CTNND2: variants seen among roughly 807,000 people sequenced by gnomAD.
CTNND2 encodes the protein catenin delta 2.
CTNND2 carries 22 observed loss-of-function variants against 144.4 expected under a neutral mutation model. The ratio of observed to expected loss-of-function variants is 0.15; its 90% CI spans 0.11 to 0.22. The LOEUF is 0.22. Among genes scored for constraint, CTNND2 ranks in the 10% least tolerant of loss-of-function variants. CTNND2 has a pLI of 1.00. For synonymous variants in CTNND2, 751 were observed against 695.6 expected, an observed-to-expected ratio of 1.08 and a Z score of -1.25; for missense variants, 1,353 against 1,618.8, an observed-to-expected ratio of 0.84 and a Z score of 2.82.
intron 9 of CTNND2, among the ~76,000 whole-genome samples, chr5:11,278,746 G>A (rs1016498464): frequency 3.3e-5 from 5 of 152,008 alleles, no homozygotes; most frequent in Non-Finnish European, 5.9e-5. Flanking sequence ...AGATGAAGAT[G>A]GGCAGAGAAC....
At chr5:11,097,648 T>C (rs1417967281) in intron 15 of CTNND2, among the ~76,000 whole-genome samples, 1 of 152,138 alleles carries the variant, frequency 6.6e-6, no homozygotes, top group Non-Finnish European at 1.5e-5. Context: ...TGTAGTTACA[T>C]AATGTTGAGG....
intron 1 of CTNND2, among the ~76,000 whole-genome samples, chr5:11,812,980 T>C (rs1792421748): frequency 1.3e-5 from 2 of 152,194 alleles, no homozygotes; most frequent in African/African-American, 4.8e-5. Context: ...CATACTCATA[T>C]ATACACCAAA....
At chr5:11,568,632 A>G (rs1267892686) in intron 2 of CTNND2, among the ~76,000 whole-genome samples, 1 of 152,214 alleles carries the variant, frequency 6.6e-6, no homozygotes, top group Admixed American at 6.5e-5. Flanking sequence ...TTTGTGGCCC[A>G]AAGGCATCTA....
intron 1 of CTNND2, among the ~76,000 whole-genome samples, chr5:11,880,125 T>C (rs570400001): frequency 5.9e-5 from 9 of 152,304 alleles, no homozygotes; most frequent in African/African-American, 2.2e-4. Context: ...TAAAGCAACC[T>C]AACTTAATTC....
intron 15 of CTNND2, among the ~76,000 whole-genome samples, chr5:11,088,156 C>T (rs1031915208): frequency 1.9e-4 from 29 of 152,134 alleles, no homozygotes; most frequent in Admixed American, 1.3e-4. Context: ...TCTAGAAATG[C>T]CTTCTGGGGA....
chr5:11,827,043 G>T (rs147251955), intron 1 of CTNND2, among the ~76,000 whole-genome samples: 1 of 151,814 alleles, frequency 6.6e-6, no homozygotes, highest in African/African-American at 2.4e-5. Flanking sequence ...AAGGACACTT[G>T]GACATTGATA....
intron 2 of CTNND2, among the ~76,000 whole-genome samples, chr5:11,712,473 A>G (rs1367818695): frequency 1.3e-5 from 2 of 152,184 alleles, no homozygotes; most frequent in Admixed American, 6.5e-5. Flanking sequence ...TGAGACATCA[A>G]GAAAATGCTG....
At chr5:11,028,331 T>A (rs2149547454) in intron 16 of CTNND2, among the ~76,000 whole-genome samples, 1 of 152,302 alleles carries the variant, frequency 6.6e-6, no homozygotes, top group South Asian at 2.1e-4. Context: ...TCTGTGGGTT[T>A]TTGCTGAGGT....
chr5:11,894,195 G>T (rs1488373092), intron 1 of CTNND2, among the ~76,000 whole-genome samples: 1 of 151,692 alleles, frequency 6.6e-6, no homozygotes, highest in Non-Finnish European at 1.5e-5. Flanking sequence ...AGACGCGGCA[G>T]CCCACCAAGA....
rs1412494769 is a variant in CTNND2 at position 11,384,944 on chromosome 5, G to A, written c.898C>T (p.Pro300Ser). Residue 300 changes from proline to serine, a missense_variant, in exon 7 of 22, where the codon CCC becomes TCC. Transcript: ENST00000304623. The surrounding 1 kb of genome is among the most constrained non-coding windows in gnomAD (Gnocchi z 5.2). ...ATYAAPRGSSPKQSPSRLAKS... is the reference protein window; with the variant it reads ...ATYAAPRGSSSKQSPSRLAKS... ...GCCAGGCGGCTGGGCGACTGCTTGG[G>A]CGAGGAGCCGCGCGGCGCGGCGTAG... The A allele has an allele frequency of 6.3e-7, 1 of 1,582,876 alleles. No individual in the cohort carries two copies. The highest frequency in any genetic ancestry group is 8.6e-7 in the Non-Finnish European group (1 of 1,167,734).
chr5:11,291,533 T>A (rs1220683500), intron 9 of CTNND2, among the ~76,000 whole-genome samples: 3 of 152,176 alleles, frequency 2.0e-5, no homozygotes, highest in Non-Finnish European at 2.9e-5. Context: ...CACTTGCACA[T>A]GACACTCTCC....
At chr5:11,281,104 A>AAAAAATATT (rs1435330566) in intron 9 of CTNND2, among the ~76,000 whole-genome samples, 61 of 152,324 alleles carry the variant, frequency 4.0e-4, no homozygotes, top group Admixed American at 3.1e-3. Context: ...AGTGTATTGC[A>AAAAAATATT]AAAAATATTA....
intron 21 of CTNND2, among the ~76,000 whole-genome samples, chr5:10,977,391 C>A (rs1291282401): frequency 6.6e-6 from 1 of 151,922 alleles, no homozygotes; most frequent in African/African-American, 2.4e-5. Context: ...TGATATTTCT[C>A]TTTGTAATTA....
chr5:11,717,688 A>T (rs1436846700), intron 2 of CTNND2, among the ~76,000 whole-genome samples: 1 of 152,150 alleles, frequency 6.6e-6, no homozygotes, highest in Non-Finnish European at 1.5e-5. Flanking sequence ...CAGAAGGCAA[A>T]GGAGAAGGAA....
At chr5:11,063,334 C>T (rs953269554) in intron 16 of CTNND2, among the ~76,000 whole-genome samples, 1 of 152,088 alleles carries the variant, frequency 6.6e-6, no homozygotes, top group African/African-American at 2.4e-5. Context: ...ATTTCCAATA[C>T]AATTTTACAT....
chr5:11,876,526 G>A (rs952804462), intron 1 of CTNND2, among the ~76,000 whole-genome samples: 1 of 152,094 alleles, frequency 6.6e-6, no homozygotes, highest in African/African-American at 2.4e-5. Flanking sequence ...GACTGTGTAT[G>A]TATACACATG....
intron 6 of CTNND2, among the ~76,000 whole-genome samples, chr5:11,395,087 A>G (rs909112950): frequency 2.6e-5 from 4 of 152,210 alleles, no homozygotes; most frequent in Non-Finnish European, 5.9e-5. Context: ...TGAAAAGAAA[A>G]GTATCACACC....
At chr5:11,312,269 C>T (rs1751053247) in intron 9 of CTNND2, among the ~76,000 whole-genome samples, 1 of 151,478 alleles carries the variant, frequency 6.6e-6, no homozygotes, top group Non-Finnish European at 1.5e-5. Context: ...CATCCTCTCC[C>T]CCTACCCCCC....
intron 12 of CTNND2, among the ~76,000 whole-genome samples, chr5:11,147,165 C>T (rs535504201): frequency 6.6e-6 from 1 of 152,118 alleles, no homozygotes; most frequent in African/African-American, 2.4e-5. Flanking sequence ...TCGTCATGTA[C>T]GTGAGAATGT....
Sources: allele counts gnomAD v4.1 joint callset (sites outside exome capture counted in the v4.1 genomes callset), GRCh38; gene constraint gnomAD v4.1.1; non-coding constraint Gnocchi (gnomAD v3.1); transcripts MANE v1.5; gene names NCBI Gene and HGNC (gene_info 2026-07-23, HGNC 2026-07-21).